TUT1: variants seen among roughly 807,000 people sequenced by gnomAD.
TUT1 encodes the protein terminal uridylyl transferase 1, U6 snRNA-specific, also known as speckle targeted PIP5K1A-regulated poly(A) polymerase.
In TUT1, 26 loss-of-function variants were observed where a neutral mutation model predicts 48.8. The observed-to-expected ratio is 0.53, with a 90% CI of 0.39 to 0.74. TUT1 has a LOEUF of 0.74. Ranked by LOEUF, TUT1 falls within the 30% of genes least tolerant of loss-of-function variation. The probability of loss-of-function intolerance (pLI) is 0.00; values close to 1 mark genes in which losing one functional copy is unlikely to be tolerated. For synonymous variants in TUT1, 470 were observed against 460.8 expected, an observed-to-expected ratio of 1.02 and a Z score of -0.26; for missense variants, 1,065 against 1,114.8, an observed-to-expected ratio of 0.96 and a Z score of 0.64.
At chr11:62,576,528 G>A in intron 8 of TUT1, 129 bp downstream of exon 8, 1 of 874,298 alleles carries the variant, frequency 1.1e-6, no homozygotes, top group Non-Finnish European at 1.8e-6. Context: ...CTGTAAAATG[G>A]CAGTAATAAT....
chr11:62,589,233 A>G lies in TUT1; in HGVS notation c.83-12T>C. 6.2e-7 allele frequency: 1 copy of G among 1,612,652 alleles called. No homozygotes were observed. The highest frequency in any genetic ancestry group is 8.5e-7 in the Non-Finnish European group (1 of 1,178,884). ...ATCAAGGCTGGGTCCTGCAAAGACAAGTGTGAGACAAAAACATGCAAAGCA... is the reference window on the plus strand; with the variant it reads ...ATCAAGGCTGGGTCCTGCAAAGACAGGTGTGAGACAAAAACATGCAAAGCA... On this transcript the variant is annotated splice_polypyrimidine_tract_variant and intron_variant, in intron 1 of 8. Transcript: ENST00000476907.
At chr11:62,578,503 C>T in intron 5 of TUT1, 58 bp downstream of exon 5, 1 of 1,479,848 alleles carries the variant, frequency 6.8e-7, no homozygotes, top group Non-Finnish European at 9.1e-7. Flanking sequence ...CAAGATGGCA[C>T]CACTGTACTC....
At chr11:62,582,967 A>T (rs1941856006) in intron 2 of TUT1, among the ~76,000 whole-genome samples, 1 of 151,956 alleles carries the variant, frequency 6.6e-6, no homozygotes, top group African/African-American at 2.4e-5. Context: ...TCTCTACTAA[A>T]AATACAAAAA....
Position 62,576,102 on chromosome 11 carries a change from C to A in TUT1, c.1617G>T (p.Leu539=). Residue 539 remains leucine, a synonymous_variant, in exon 9 of 9, where the codon CTG becomes CTT. Coordinates refer to ENST00000476907, the MANE Select transcript of TUT1 (RefSeq NM_022830.3). The part of the protein sequence containing the change: ...NLWEGLRLGP[L]NLQDPFDLSH... Reference sequence around the variant, plus strand: ...TCAGGTCAAAAGGGTCCTGGAGATTCAGGGGGCCAAGGCGCAGACCCTCCC... The same window carrying A: ...TCAGGTCAAAAGGGTCCTGGAGATTAAGGGGGCCAAGGCGCAGACCCTCCC... The A allele has an allele frequency of 6.2e-7, 1 of 1,614,028 alleles. No individual in the cohort carries two copies. The highest frequency in any genetic ancestry group is 8.5e-7 in the Non-Finnish European group (1 of 1,180,032).
At chr11:62,587,781 A>G (rs140117327) in intron 2 of TUT1, among the ~76,000 whole-genome samples, 56 of 152,380 alleles carry the variant, frequency 3.7e-4, no homozygotes, top group African/African-American at 1.3e-3. Context: ...CCATGCCTAC[A>G]TAACAAGAGT....
rs1202781124 is a variant in TUT1, at chr11:62,578,944, A to C, written c.777T>G (p.Ala259=). Reference sequence around the variant, plus strand: ...CAGGAGGTTGTGAATCTGGAGGGGAAGCTGGGGTGCAGGCCAGGGCTTGAG... The same window carrying C: ...CAGGAGGTTGTGAATCTGGAGGGGACGCTGGGGTGCAGGCCAGGGCTTGAG... ...LDPQALACTP[A]SPPDSQPPAS... Residue 259 remains alanine (A), a synonymous_variant, in exon 5 of 9, where the codon GCT becomes GCG. Coordinates refer to ENST00000476907, the MANE Select transcript of TUT1 (RefSeq NM_022830.3). 6.4e-7 allele frequency: 1 copy of C among 1,555,630 alleles called. No homozygotes were observed. The highest frequency in any genetic ancestry group is 8.7e-7 in the Non-Finnish European group (1 of 1,151,150).
rs771578427 is a variant in TUT1 at position 62,581,215 on chromosome 11, C to G, written c.590-9G>C. ...AGGGTGGACCACACAGCCTGGGTGCCGAGCAGAGAAGAAAGGTCAAGAGAA... is the reference window on the plus strand; with the variant it reads ...AGGGTGGACCACACAGCCTGGGTGCGGAGCAGAGAAGAAAGGTCAAGAGAA... On this transcript the variant is annotated splice_polypyrimidine_tract_variant and intron_variant, in intron 3 of 8. Coordinates refer to ENST00000476907, the MANE Select transcript of TUT1 (RefSeq NM_022830.3). The G allele has an allele frequency of 3.7e-6, 6 of 1,613,236 alleles. No individual in the cohort carries two copies. In the South Asian group the frequency reaches 6.6e-5, roughly 18 times the overall value.
At chr11:62,584,382 C>A (rs1941876051) in intron 2 of TUT1, among the ~76,000 whole-genome samples, 1 of 151,940 alleles carries the variant, frequency 6.6e-6, no homozygotes, top group African/African-American at 2.4e-5. Context: ...CCCACCTCGG[C>A]CTCCCAGAGG....
At chr11:62,590,999 T>G (rs1942002599) in intron 1 of TUT1, among the ~76,000 whole-genome samples, 1 of 152,138 alleles carries the variant, frequency 6.6e-6, no homozygotes, top group African/African-American at 2.4e-5. Flanking sequence ...CTTCTCTGAT[T>G]TAGTTACTAA....
Position 62,575,740 on chromosome 11 carries a change from C to T in TUT1, c.1979G>A (p.Arg660Lys). Reference protein sequence around the residue: ...GESSQGGTSKRLKVDGQKNCC... With the variant: ...GESSQGGTSKKLKVDGQKNCC... ...GTTTTTCTGTCCATCTACTTTGAGT[C>T]TTTTGCTTGTCCCTCCCTGAGAGGA... is the stretch of plus-strand genomic sequence containing the variant. The change falls in exon 9 of 9, where the codon AGA (arginine) becomes AAA (lysine). Residue 660 changes from arginine (R) to lysine (K), a missense_variant. Transcript: ENST00000476907. 6.2e-7 allele frequency: 1 copy of T among 1,614,192 alleles called. No homozygotes were observed. The highest frequency in any genetic ancestry group is 1.1e-5 in the South Asian group (1 of 91,082).
Position 62,578,895 on chromosome 11 carries a change from G to A in TUT1, c.826C>T (p.Leu276=), listed in dbSNP as rs1941777626. The A allele has an allele frequency of 1.9e-6, 3 of 1,602,196 alleles. No individual in the cohort carries two copies. The highest frequency in any genetic ancestry group is 2.6e-6 in the Non-Finnish European group (3 of 1,173,714). ...GAGGAGGAAGGGGTTTCAAAGTCCA[G>A]GGCTTCAGAATCCTGGGGAGAAGCA... is the stretch of plus-strand genomic sequence containing the variant. ...PPASPQDSEA[L]DFETPSSSLA... Residue 276 remains leucine, a synonymous_variant, in exon 5 of 9, where the codon CTG becomes TTG. Coordinates refer to ENST00000476907, the MANE Select transcript of TUT1 (RefSeq NM_022830.3).
chr11:62,576,244 C>A lies in TUT1; in HGVS notation c.1475G>T (p.Ser492Ile). The change falls in exon 9 of 9, where the codon AGT becomes ATT. Residue 492 changes from serine to isoleucine, a missense_variant and splice_region_variant. Coordinates refer to ENST00000476907, the MANE Select transcript of TUT1 (RefSeq NM_022830.3). The stretch of plus-strand genomic sequence containing the variant: ...GGAGAAGAACTGGGCTAGCAGGGAA[C>A]CTGGAGGAGGAGGAAGAGTGGGGAA... Reference protein sequence around the residue: ...LEPSINVEPLSSLLAQFFSCV... With the variant: ...LEPSINVEPLISLLAQFFSCV... The A allele has an allele frequency of 6.4e-7, 1 of 1,568,688 alleles. No individual in the cohort carries two copies.
At chr11:62,584,873 G>A (rs1357026856) in intron 2 of TUT1, among the ~76,000 whole-genome samples, 1 of 151,836 alleles carries the variant, frequency 6.6e-6, no homozygotes, top group East Asian at 1.9e-4. Context: ...CCAGGCTGGA[G>A]TGCAGTGGCA....
Position 62,578,550 on chromosome 11 carries a change from A to C in TUT1, c.1160+11T>G, listed in dbSNP as rs776951145. On this transcript the variant is annotated intron_variant, in intron 5 of 8. Coordinates refer to ENST00000476907, the MANE Select transcript of TUT1 (RefSeq NM_022830.3). ...ACGAGTGAAATGTCGTCTCAAAAAA[A>C]AGAAAGGTACCGGTTACTGAGGGAG... is the stretch of plus-strand genomic sequence containing the variant. 3 of 1,567,996 alleles carry C rather than the reference A, an allele frequency of 1.9e-6. No homozygotes were observed. Among genetic ancestry groups the C allele is most frequent in the Non-Finnish European group, 8.6e-7 (1 of 1,156,284 alleles).
intron 2 of TUT1, among the ~76,000 whole-genome samples, chr11:62,585,027 G>A (rs1941888065): frequency 6.6e-6 from 1 of 151,426 alleles, no homozygotes; most frequent in Admixed American, 6.6e-5. Context: ...TCACCATGTT[G>A]GCCAGGCTGG....
Position 62,578,911 on chromosome 11 carries a change from G to A in TUT1, c.810C>T (p.Pro270=), listed in dbSNP as rs766635480. ...SPPDSQPPAS[P]QDSEALDFET... ...CAAAGTCCAGGGCTTCAGAATCCTG[G>A]GGAGAAGCAGGAGGTTGTGAATCTG... Residue 270 remains proline, a synonymous_variant, in exon 5 of 9, where the codon CCC becomes CCT. Transcript: ENST00000476907. The A allele has an allele frequency of 6.3e-7, 1 of 1,584,222 alleles. No homozygotes were observed. The highest frequency in any genetic ancestry group is 1.2e-5 in the South Asian group (1 of 86,614).
chr11:62,575,320 CTT>C lies in TUT1; in HGVS notation c.2397_2398del (p.Arg800SerfsTer7), dbSNP rs1278229990. On this transcript the variant is annotated frameshift_variant, in exon 9 of 9. Transcript: ENST00000476907. LOFTEE classifies it low-confidence loss of function (END_TRUNC). Reference sequence around the variant, plus strand: ...AGCCTCAGTCGCCAGCCACCCTGCTCTTGTGCCAGCGCCACCTCCAGCTCCCT... The same window carrying C: ...AGCCTCAGTCGCCAGCCACCCTGCTCGTGCCAGCGCCACCTCCAGCTCCCT... 6.2e-7 allele frequency: 1 copy of C among 1,614,196 alleles called. No homozygotes were observed. The highest frequency in any genetic ancestry group is 1.1e-5 in the South Asian group (1 of 91,086).
intron 4 of TUT1, 109 bp downstream of exon 4, chr11:62,580,997 C>G: frequency 1.3e-6 from 1 of 788,272 alleles, no homozygotes; most frequent in Non-Finnish European, 2.2e-6. Context: ...GTCCTATTAT[C>G]TGCATTGTAG....
intron 2 of TUT1, among the ~76,000 whole-genome samples, chr11:62,584,756 TTTTG>T (rs901377320): frequency 1.4e-4 from 22 of 152,098 alleles, no homozygotes; most frequent in Middle Eastern, 3.4e-3. Context: ...ATTGTATACT[TTTTG>T]TTTGTTTATT....
Sources: gnomAD v4.1 joint callset for allele counts (sites outside exome capture counted in the v4.1 genomes callset) on GRCh38, gnomAD v4.1.1 for gene constraint, MANE v1.5 for transcripts, NCBI Gene and HGNC (gene_info 2026-07-23, HGNC 2026-07-21) for gene names.